The following CLU variants were observed in gnomAD, a reference collection of about 807,000 sequenced individuals.
CLU encodes clusterin.
In CLU, 25 loss-of-function variants were observed where a neutral mutation model predicts 46.4. The observed-to-expected ratio is 0.54, with a 90% CI of 0.39 to 0.75. CLU has a LOEUF of 0.75. Ranked by LOEUF, CLU falls within the 30% of genes least tolerant of loss-of-function variation. The probability of loss-of-function intolerance (pLI) is 0.00; values close to 1 mark genes in which losing one functional copy is unlikely to be tolerated. For synonymous variants in CLU, 235 were observed against 235.1 expected (o/e 1.00, Z 0.00); for missense variants, 504 against 592.1 (o/e 0.85, Z 1.54).
chr8:27,604,173 GA>G, intron 6 of CLU, 117 bp downstream of exon 6: 3 of 799,848 alleles, frequency 3.8e-6, no homozygotes, highest in Non-Finnish European at 6.4e-6. Flanking sequence ...AAAGGCTGCA[GA>G]GCTGGAATCC....
At position 27,598,585 on chromosome 8, in the gene CLU, C is replaced by A. The variant is rs1458812924; in HGVS notation, c.1215G>T (p.Val405=). Residue 405 remains valine (V), a synonymous_variant, in exon 8 of 9, where the codon GTG becomes GTT. Coordinates refer to ENST00000316403, the MANE Select transcript of CLU (RefSeq NM_001831.4). ...DSDVPSGVTE[V]VVKLFDSDPI... The stretch of plus-strand genomic sequence containing the variant: ...GATCAGAGTCAAAGAGCTTCACGAC[C>A]ACCTCAGTGACACCGGAAGGAACGT... 2 of 1,614,028 alleles carry A rather than the reference C, an allele frequency of 1.2e-6. No individual in the cohort carries two copies. The highest frequency in any genetic ancestry group is 3.3e-5 in the Admixed American group (2 of 60,010).
At chr8:27,607,360 A>AAAACAAAAC (rs1800840456) in intron 3 of CLU, among the ~76,000 whole-genome samples, 1 of 151,878 alleles carries the variant, frequency 6.6e-6, no homozygotes, top group Admixed American at 6.6e-5. Flanking sequence ...AAAACAAAAC[A>AAAACAAAAC]AAACAAAACA....
At chr8:27,607,527 G>A (rs1800843776) in intron 3 of CLU, among the ~76,000 whole-genome samples, 1 of 151,758 alleles carries the variant, frequency 6.6e-6, no homozygotes, top group Admixed American at 6.6e-5. Context: ...AGGGTAGATG[G>A]TACATCATTA....
At position 27,597,610 on chromosome 8, in the gene CLU, A is replaced by G. The variant is rs1001478986; in HGVS notation, c.*631T>C. The G allele has an allele frequency of 1.1e-5, 5 of 454,048 alleles. No homozygotes were observed. Among genetic ancestry groups the G allele is most frequent in the African/African-American group, 2.0e-5 (1 of 50,018 alleles). The allele number at this position is 454,048 out of a possible 1,614,324, so 28.1% of individuals were successfully genotyped here. On this transcript the variant is annotated 3_prime_UTR_variant, in exon 9 of 9. Coordinates refer to ENST00000316403, the MANE Select transcript of CLU (RefSeq NM_001831.4). ...ACGAAAACATCAATTATGCATTATA[A>G]TACCAAGTACACCTTACACTTACTG...
chr8:27,611,924 CA>C, intron 1 of CLU: 1 of 363,474 alleles, frequency 2.8e-6, no homozygotes, highest in Non-Finnish European at 5.4e-6. Context: ...GCCAGAGAGA[CA>C]AAGCCAGCCA....
chr8:27,610,485 A>G lies in CLU; in HGVS notation c.87T>C (p.Asn29=). Residue 29 remains asparagine (N), a synonymous_variant, in exon 2 of 9, where the codon AAT becomes AAC. Transcript: ENST00000316403. ...GCTTGGTCTACTCACCCTGGAGCTCATTGTCTGAGACCGTCTGGTCCCCCA... is the reference window on the plus strand; with the variant it reads ...GCTTGGTCTACTCACCCTGGAGCTCGTTGTCTGAGACCGTCTGGTCCCCCA... The part of the protein sequence containing the change: ...QVLGDQTVSD[N]ELQEMSNQGS... The G allele has an allele frequency of 6.2e-7, 1 of 1,613,816 alleles. No homozygotes were observed. The highest frequency in any genetic ancestry group is 8.5e-7 in the Non-Finnish European group (1 of 1,179,696).
At chr8:27,605,553 C>T (rs556994502) in intron 4 of CLU, among the ~76,000 whole-genome samples, 1 of 152,356 alleles carries the variant, frequency 6.6e-6, no homozygotes, top group East Asian at 1.9e-4. Context: ...TTTTGAGACA[C>T]CTGGGAGGCC....
intron 4 of CLU, among the ~76,000 whole-genome samples, chr8:27,605,631 C>A (rs1196451708): frequency 6.6e-6 from 1 of 152,250 alleles, no homozygotes; most frequent in South Asian, 2.1e-4. Context: ...TGATATCCAC[C>A]CCCGCTCGGC....
chr8:27,612,187 G>A (rs1330301662), intron 1 of CLU, among the ~76,000 whole-genome samples: 2 of 152,154 alleles, frequency 1.3e-5, no homozygotes, highest in Non-Finnish European at 2.9e-5. Context: ...TACCCTAGCG[G>A]TGAGGCTGAA....
chr8:27,608,781 C>G, intron 3 of CLU, 157 bp downstream of exon 3: 1 of 795,308 alleles, frequency 1.3e-6, no homozygotes, highest in Non-Finnish European at 2.2e-6. Context: ...AGCAAATGAA[C>G]CTTCCCTGCT....
At chr8:27,610,911 C>T (rs1214063980) in intron 1 of CLU, 2 of 390,262 alleles carry the variant, frequency 5.1e-6, no homozygotes, top group Non-Finnish European at 9.8e-6. Flanking sequence ...CGACAATCAG[C>T]GAGGCACACA....
In CLU at chr8:27,606,352, A is replaced by T. The variant is rs1359532081; in HGVS notation, c.417+2T>A. The T allele has an allele frequency of 6.2e-7, 1 of 1,613,646 alleles. No homozygotes were observed. The highest frequency in any genetic ancestry group is 8.5e-7 in the Non-Finnish European group (1 of 1,180,002). On this transcript the variant is annotated splice_donor_variant, in intron 4 of 8. Coordinates refer to ENST00000316403, the MANE Select transcript of CLU (RefSeq NM_001831.4). LOFTEE classifies it high-confidence loss of function. ...TTGGCCACTCATGTGTCCCCTTTTC[A>T]CCTGGCGGCCAACCAGGCCTGAGCC...
At chr8:27,610,959 T>G in intron 1 of CLU, 2 of 366,724 alleles carry the variant, frequency 5.5e-6, no homozygotes, top group South Asian at 4.2e-5. Context: ...CAGAGTGGTA[T>G]CGATCATGTC....
At chr8:27,607,742 G>T (rs113273538) in intron 3 of CLU, among the ~76,000 whole-genome samples, 5,572 of 111,848 alleles carry the variant, frequency 0.05, 359 homozygotes, top group African/African-American at 0.17. Flanking sequence ...GAGTGTGTTA[G>T]TCTTCAAAAA....
chr8:27,610,983 A>AC (rs1261798836), intron 1 of CLU: 19 of 361,770 alleles, frequency 5.3e-5, no homozygotes. Context: ...CACTGAAAAT[A>AC]CCCCCCTTAG....
At chr8:27,607,788 G>A (rs1161724514) in intron 3 of CLU, among the ~76,000 whole-genome samples, 1 of 150,826 alleles carries the variant, frequency 6.6e-6, no homozygotes, top group Non-Finnish European at 1.5e-5. Flanking sequence ...AGAGTTAGGT[G>A]AGGTCTTTGT....
chr8:27,599,717 G>T lies in CLU; in HGVS notation c.1164+63C>A. ...TAAATGCTCAGTCAAAAGCACACAT[G>T]CCCCTGCTCCCGATCACAGCTCGGG... On this transcript the variant is annotated intron_variant, in intron 7 of 8. Coordinates refer to ENST00000316403, the MANE Select transcript of CLU (RefSeq NM_001831.4). The surrounding 1 kb of genome is among the most constrained non-coding windows in gnomAD (Gnocchi z 4.0). 8.1e-7 allele frequency: 1 copy of T among 1,230,646 alleles called. No individual in the cohort carries two copies. The highest frequency in any genetic ancestry group is 1.2e-6 in the Non-Finnish European group (1 of 852,132). The allele number at this position is 1,230,646 out of a possible 1,614,324, so 76.2% of individuals were successfully genotyped here. A position where few individuals can be genotyped will look rare whatever the true frequency, so the allele number is the denominator to read the frequency against.
chr8:27,610,532 T>G lies in CLU; in HGVS notation c.40A>C (p.Thr14Pro). The G allele has an allele frequency of 6.2e-7, 1 of 1,614,222 alleles. No homozygotes were observed. Among genetic ancestry groups the G allele is most frequent in the Non-Finnish European group, 8.5e-7 (1 of 1,180,032 alleles). The part of the protein sequence containing the change: ...TLLLFVGLLL[T>P]WESGQVLGDQ... The stretch of plus-strand genomic sequence containing the variant: ...CCCAGGACCTGCCCACTCTCCCAGG[T>G]CAGCAGCAGCCCCACAAACAGCAGC... Residue 14 changes from threonine to proline, a missense_variant, in exon 2 of 9, where the codon ACC (threonine) becomes CCC (proline). Transcript: ENST00000316403.
chr8:27,612,238 C>T (rs920117095), intron 1 of CLU, among the ~76,000 whole-genome samples: 2 of 152,164 alleles, frequency 1.3e-5, no homozygotes, highest in South Asian at 2.1e-4. Context: ...CCACAGCATG[C>T]TCATGGTAAC....
Sources: gnomAD v4.1 joint callset for allele counts (sites outside exome capture counted in the v4.1 genomes callset) on GRCh38, gnomAD v4.1.1 for gene constraint, Gnocchi (gnomAD v3.1) non-coding constraint, MANE v1.5 for transcripts, NCBI Gene and HGNC (gene_info 2026-07-23, HGNC 2026-07-21) for gene names.